Variants in OR56A3 observed in about 807,000 individuals in gnomAD.
OR56A3 encodes the protein olfactory receptor 56A3.
In OR56A3, 23 loss-of-function variants were observed where a neutral mutation model predicts 17.5. That is an observed-to-expected ratio of 1.32 (90% CI 0.95 to 1.87). OR56A3 has a LOEUF of 1.87. Ranked by LOEUF, OR56A3 falls within the 40% of genes most tolerant of loss-of-function variation. The probability of loss-of-function intolerance (pLI) is 0.00; values close to 1 mark genes in which losing one functional copy is unlikely to be tolerated. For missense variants in OR56A3, 366 were observed against 380.1 expected (o/e 0.96, Z 0.31); for synonymous variants, 175 against 150.6 (o/e 1.16, Z -1.19).
the OR56A3 span, among the ~76,000 whole-genome samples, chr11:5,995,921 C>A: frequency 6.6e-6 from 1 of 152,206 alleles, no homozygotes; most frequent in Non-Finnish European, 1.5e-5. Flanking sequence ...TGGTAACCAC[C>A]ATTCTACTCT....
chr11:5,975,550 T>C, the OR56A3 span, among the ~76,000 whole-genome samples: 1 of 152,124 alleles, frequency 6.6e-6, no homozygotes, highest in African/African-American at 2.4e-5. Flanking sequence ...TCATTTTTTA[T>C]GGCTGCATAG....
chr11:5,960,469 C>G, the OR56A3 span, among the ~76,000 whole-genome samples: 3 of 152,226 alleles, frequency 2.0e-5, no homozygotes, highest in Non-Finnish European at 4.4e-5. Flanking sequence ...CCCTGTTGGC[C>G]GGGCTGGTCT....
chr11:6,004,748 T>C, the OR56A3 span, among the ~76,000 whole-genome samples: 1 of 152,184 alleles, frequency 6.6e-6, no homozygotes, highest in Non-Finnish European at 1.5e-5. Flanking sequence ...ATTGAACTAA[T>C]TCACCTTATC....
chr11:5,985,978 C>T, the OR56A3 span: 88 of 1,611,298 alleles, frequency 5.5e-5, no homozygotes, highest in African/African-American at 3.5e-4. Flanking sequence ...CACTCGCTGG[C>T]GGATCTGCTG....
the OR56A3 span, among the ~76,000 whole-genome samples, chr11:5,990,660 G>A: frequency 2.0e-5 from 3 of 152,180 alleles, no homozygotes; most frequent in Non-Finnish European, 4.4e-5. Flanking sequence ...GTAGGGGAGG[G>A]AGGGCACAGA....
At chr11:6,018,901 T>C in the OR56A3 span, among the ~76,000 whole-genome samples, 3 of 151,952 alleles carry the variant, frequency 2.0e-5, no homozygotes, top group African/African-American at 7.2e-5. Flanking sequence ...GGGAACTATA[T>C]ACTAACAAAC....
the OR56A3 span, chr11:6,021,152 A>G: frequency 6.6e-6 from 1 of 152,136 alleles, no homozygotes; most frequent in East Asian, 1.9e-4. Flanking sequence ...GAGTGTGATC[A>G]CTAGCACATT....
the OR56A3 span, among the ~76,000 whole-genome samples, chr11:6,003,959 G>C: frequency 2.0e-5 from 3 of 152,194 alleles, no homozygotes. Flanking sequence ...GATTACAGCT[G>C]TTTCTTTTGT....
At chr11:5,943,831 G>A (rs1296422201) in intron 1 of OR56A3, among the ~76,000 whole-genome samples, 1 of 152,220 alleles carries the variant, frequency 6.6e-6, no homozygotes, top group Non-Finnish European at 1.5e-5. Context: ...AGGATGCAAT[G>A]AGCAAAGGAA....
chr11:5,989,091 A>G, the OR56A3 span, among the ~76,000 whole-genome samples: 14 of 152,348 alleles, frequency 9.2e-5, no homozygotes, highest in East Asian at 2.5e-3. Flanking sequence ...ATATCTCCCA[A>G]GTTTCTCTGT....
At chr11:5,993,488 C>A in the OR56A3 span, among the ~76,000 whole-genome samples, 2 of 152,134 alleles carry the variant, frequency 1.3e-5, no homozygotes, top group Non-Finnish European at 2.9e-5. Context: ...GTGTTGGACC[C>A]TCCTAGACTC....
the OR56A3 span, among the ~76,000 whole-genome samples, chr11:6,017,961 A>C: frequency 6.6e-6 from 1 of 152,088 alleles, no homozygotes; most frequent in Non-Finnish European, 1.5e-5. Context: ...ATTATAGTAA[A>C]AAGAGACAGA....
At chr11:6,018,952 C>T in the OR56A3 span, among the ~76,000 whole-genome samples, 1 of 151,766 alleles carries the variant, frequency 6.6e-6, no homozygotes, top group African/African-American at 2.4e-5. Context: ...TGGACATATA[C>T]AACCTAATGA....
At chr11:5,963,834 A>G in the OR56A3 span, among the ~76,000 whole-genome samples, 2 of 152,096 alleles carry the variant, frequency 1.3e-5, no homozygotes, top group Non-Finnish European at 2.9e-5. Context: ...TAACTTGTAC[A>G]TTGTACATTT....
At position 5,950,038 on chromosome 11, in the gene OR56A3, A is replaced by G. The variant is rs147527173; in HGVS notation, c.*1744A>G. The G allele has an allele frequency of 3.9e-4, 59 of 152,342 alleles. No homozygotes were observed. The highest frequency in any genetic ancestry group is 1.3e-3 in the African/African-American group (54 of 41,594). The allele number at this position is 152,342 out of a possible 1,614,324, so 9.4% of individuals were successfully genotyped here. On this transcript the variant is annotated 3_prime_UTR_variant, in exon 3 of 3. Transcript: ENST00000641160. ...GAAAAATGGCTTGACTTGAAATGTG[A>G]ATAACCGTATACCATGGAAGAATCT...
chr11:6,020,971 G>C, the OR56A3 span: 3 of 152,010 alleles, frequency 2.0e-5, no homozygotes, highest in Admixed American at 6.6e-5. Flanking sequence ...GAGTAAAGAA[G>C]ACTCACAGAA....
At chr11:5,955,570 G>A (rs1417671622), downstream of OR56A3, among the ~76,000 whole-genome samples, 1 of 152,100 alleles carries the variant, frequency 6.6e-6, no homozygotes, top group Non-Finnish European at 1.5e-5. Context: ...CGGGCACCTT[G>A]GGAGATTAAG....
the OR56A3 span, among the ~76,000 whole-genome samples, chr11:5,966,591 A>T: frequency 2.0e-5 from 3 of 152,166 alleles, no homozygotes; most frequent in African/African-American, 4.8e-5. Flanking sequence ...TATACTGATC[A>T]GAGCATGATC....
chr11:5,949,372 A>G lies in OR56A3; in HGVS notation c.*1078A>G, dbSNP rs1590447205. 1 of 152,210 alleles carries G rather than the reference A, an allele frequency of 6.6e-6. No individual in the cohort carries two copies. Among genetic ancestry groups the G allele is most frequent in the Admixed American group, 6.5e-5 (1 of 15,268 alleles). 9.4% of individuals were successfully genotyped at this position (152,210 alleles called of 1,614,324 possible). On this transcript the variant is annotated 3_prime_UTR_variant, in exon 3 of 3. Transcript: ENST00000641160. ...AAGATACTTGGTCCTGTAAGGAAAC[A>G]TTAGATAAAGAGAAGGTCTGGGCAG...
Sources: gnomAD v4.1 joint callset for allele counts (sites outside exome capture counted in the v4.1 genomes callset) on GRCh38, gnomAD v4.1.1 for gene constraint, MANE v1.5 for transcripts, NCBI Gene and HGNC (gene_info 2026-07-23, HGNC 2026-07-21) for gene names.